UST: variants seen among roughly 807,000 people sequenced by gnomAD.
UST encodes the protein uronyl 2-sulfotransferase.
A neutral mutation model predicts 45.6 loss-of-function variants in UST; 21 were observed. The observed-to-expected ratio is 0.46, with a 90% CI of 0.33 to 0.66. The LOEUF (loss-of-function observed/expected upper bound fraction) is 0.66. Ranked by LOEUF, UST falls within the 30% of genes least tolerant of loss-of-function variation. The pLI is 0.02. For synonymous variants in UST, 215 were observed against 200.6 expected, an observed-to-expected ratio of 1.07 and a Z score of -0.61; for missense variants, 463 against 512.4, an observed-to-expected ratio of 0.90 and a Z score of 0.93.
intron 1 of UST, among the ~76,000 whole-genome samples, chr6:148,795,771 G>C (rs1047206443): frequency 1.3e-5 from 2 of 152,026 alleles, no homozygotes; most frequent in African/African-American, 4.8e-5. Context: ...GACTTGATTT[G>C]TATACCTGTT....
intron 7 of UST, among the ~76,000 whole-genome samples, chr6:149,044,622 G>A (rs938307380): frequency 1.1e-4 from 16 of 152,264 alleles, no homozygotes; most frequent in South Asian, 2.1e-4. Flanking sequence ...AGTGGTGCCC[G>A]CTCTGCCTCA....
chr6:148,858,286 C>T (rs1166957601), intron 1 of UST, among the ~76,000 whole-genome samples: 1 of 152,128 alleles, frequency 6.6e-6, no homozygotes, highest in African/African-American at 2.4e-5. Context: ...GGCCTGAGAG[C>T]CCCTGGAAAA....
intron 5 of UST, among the ~76,000 whole-genome samples, chr6:149,014,886 C>G (rs1775873223): frequency 6.6e-6 from 1 of 152,200 alleles, no homozygotes. Context: ...ATTGTTATCC[C>G]TGTTGCACTG....
At chr6:148,995,748 C>T (rs1781441765) in intron 5 of UST, among the ~76,000 whole-genome samples, 1 of 152,246 alleles carries the variant, frequency 6.6e-6, no homozygotes, top group Non-Finnish European at 1.5e-5. Flanking sequence ...CTTCTCTTGA[C>T]AGGTGAGAAT....
At chr6:148,988,813 C>T (rs1781291016) in intron 5 of UST, among the ~76,000 whole-genome samples, 1 of 152,120 alleles carries the variant, frequency 6.6e-6, no homozygotes, top group Non-Finnish European at 1.5e-5. Context: ...TCAAAGTAGA[C>T]TTCGCCTATT....
chr6:149,029,458 T>TTATATATTATATA lies in UST; in HGVS notation c.937+7982_937+7994dup, dbSNP rs893697313. On this transcript the variant is annotated intron_variant, in intron 7 of 7. Transcript: ENST00000367463. ...TATATTATATTATATTATATATACA[T>TTATATATTATATA]TATATATTATATATATAATGTATAT... Among the ~76,000 whole-genome samples the TTATATATTATATA allele has an allele frequency of 2.8e-5, 4 of 142,644 alleles. 1 individual carries two copies. Among genetic ancestry groups the TTATATATTATATA allele is most frequent in the Non-Finnish European group, 3.0e-5 (2 of 66,018 alleles). The allele number at this position is 142,644 out of a possible 152,430, so 93.6% of individuals were successfully genotyped here. A position where few individuals can be genotyped will look rare whatever the true frequency, so the allele number is the denominator to read the frequency against.
At position 149,073,882 on chromosome 6, in the gene UST, C is replaced by T; in HGVS notation, c.987C>T (p.Pro329=). ...NMTVTVKKTV[P]SPEAVQILYQ... ...CTGTGACGGTGAAGAAGACTGTCCC[C>T]TCTCCTGAGGCTGTGCAGATCCTCT... The change falls in exon 8 of 8, where the codon CCC becomes CCT. Residue 329 remains proline (P), a synonymous_variant. Coordinates refer to ENST00000367463, the MANE Select transcript of UST (RefSeq NM_005715.3). 7.4e-6 allele frequency: 12 copies of T among 1,614,192 alleles called. No individual in the cohort carries two copies. Among genetic ancestry groups the T allele is most frequent in the Non-Finnish European group, 9.3e-6 (11 of 1,180,016 alleles).
At chr6:148,774,159 G>C in intron 1 of UST, among the ~76,000 whole-genome samples, 1 of 152,012 alleles carries the variant, frequency 6.6e-6, no homozygotes, top group East Asian at 1.9e-4. Context: ...TATCCCCTCA[G>C]GTAGATCACC....
chr6:149,024,897 A>G (rs1372084647), intron 7 of UST, among the ~76,000 whole-genome samples: 2 of 152,160 alleles, frequency 1.3e-5, no homozygotes, highest in Non-Finnish European at 2.9e-5. Context: ...TTAAGATGCA[A>G]AAACACCACT....
intron 1 of UST, among the ~76,000 whole-genome samples, chr6:148,860,726 A>C (rs1778296317): frequency 6.6e-6 from 1 of 152,156 alleles, no homozygotes; most frequent in Admixed American, 6.5e-5. Context: ...ATTTTGTCGA[A>C]GGCCTTTTCT....
chr6:149,041,184 T>C (rs1776308404), intron 7 of UST, among the ~76,000 whole-genome samples: 2 of 152,220 alleles, frequency 1.3e-5, no homozygotes, highest in Admixed American at 1.3e-4. Flanking sequence ...TGGATATTGA[T>C]GCATTTAATA....
At chr6:148,919,425 T>G (rs989882451) in intron 2 of UST, among the ~76,000 whole-genome samples, 1 of 144,456 alleles carries the variant, frequency 6.9e-6, no homozygotes, top group Non-Finnish European at 1.5e-5. Context: ...GCCGTGTGTG[T>G]GTGTGTGTGT....
intron 2 of UST, among the ~76,000 whole-genome samples, chr6:148,911,276 G>A (rs541098258): frequency 6.6e-6 from 1 of 152,290 alleles, no homozygotes; most frequent in African/African-American, 2.4e-5. Flanking sequence ...GAGAGGTAGA[G>A]CCTCAGAGCT....
intron 2 of UST, among the ~76,000 whole-genome samples, chr6:148,899,139 G>A (rs368422210): frequency 2.7e-5 from 3 of 111,656 alleles, no homozygotes; most frequent in African/African-American, 3.5e-5. Context: ...TCGCTCTGTC[G>A]CCCAGGCTGG....
intron 2 of UST, among the ~76,000 whole-genome samples, chr6:148,890,341 A>G (rs1474913380): frequency 6.6e-6 from 1 of 152,152 alleles, no homozygotes; most frequent in Non-Finnish European, 1.5e-5. Context: ...CCACTGGCTT[A>G]TCCAGGGACA....
At chr6:148,984,643 T>C (rs1781205930) in intron 5 of UST, among the ~76,000 whole-genome samples, 1 of 152,170 alleles carries the variant, frequency 6.6e-6, no homozygotes, top group Non-Finnish European at 1.5e-5. Flanking sequence ...CAAGCAATCC[T>C]CCCACCTCAG....
At chr6:148,758,525 A>ACAATGCC (rs1193950792) in intron 1 of UST, among the ~76,000 whole-genome samples, 36 of 152,342 alleles carry the variant, frequency 2.4e-4, no homozygotes, top group African/African-American at 8.2e-4. Flanking sequence ...AGAAATAATC[A>ACAATGCC]CAATGCCAGG....
At chr6:148,860,604 C>A (rs1317528379) in intron 1 of UST, among the ~76,000 whole-genome samples, 9 of 152,146 alleles carry the variant, frequency 5.9e-5, no homozygotes, top group African/African-American at 2.2e-4. Flanking sequence ...CCAGTTTTTG[C>A]CCATTCAGTA....
chr6:148,915,446 A>C (rs1253817508), intron 2 of UST, among the ~76,000 whole-genome samples: 1 of 152,100 alleles, frequency 6.6e-6, no homozygotes, highest in Admixed American at 6.5e-5. Context: ...GAGGGTAGGA[A>C]AAAAAAGCCC....
Sources: gnomAD v4.1 joint callset for allele counts (sites outside exome capture counted in the v4.1 genomes callset) on GRCh38, gnomAD v4.1.1 for gene constraint, MANE v1.5 for transcripts, NCBI Gene and HGNC (gene_info 2026-07-23, HGNC 2026-07-21) for gene names.